UGT1A7: variants seen among roughly 807,000 people sequenced by gnomAD.
UGT1A7 encodes the protein UDP-glucuronosyltransferase 1A7.
Under a neutral mutation model 45.6 loss-of-function variants are expected in UGT1A7, and 33 were observed. The ratio of observed to expected loss-of-function variants is 0.72; its 90% CI spans 0.55 to 0.97. The LOEUF (loss-of-function observed/expected upper bound fraction) is 0.97, where lower values mean the gene tolerates loss of function less well. Among genes scored for constraint, UGT1A7 ranks in the 50% least tolerant of loss-of-function variants. The pLI is 0.00. For missense variants in UGT1A7, 684 were observed against 666.2 expected (o/e 1.03, Z -0.29); for synonymous variants, 274 against 250.6 (o/e 1.09, Z -0.88).
At chr2:233,695,006 T>C (rs184131537) in intron 1 of UGT1A7, among the ~76,000 whole-genome samples, 12 of 152,350 alleles carry the variant, frequency 7.9e-5, no homozygotes, top group African/African-American at 2.2e-4. Context: ...TCTTCATTTC[T>C]AGCTATTTTG....
chr2:233,746,991 T>G (rs560743202), intron 1 of UGT1A7, among the ~76,000 whole-genome samples: 1 of 151,932 alleles, frequency 6.6e-6, no homozygotes, highest in Non-Finnish European at 1.5e-5. Context: ...CAGGGTCAGA[T>G]GAGTTTTTCA....
At chr2:233,715,670 G>T (rs1428393419) in intron 1 of UGT1A7, among the ~76,000 whole-genome samples, 3 of 152,106 alleles carry the variant, frequency 2.0e-5, no homozygotes, top group Non-Finnish European at 4.4e-5. Context: ...TACTCGGGAG[G>T]CTGAGGCAGG....
intron 1 of UGT1A7, chr2:233,713,868 G>A: frequency 6.2e-7 from 1 of 1,613,750 alleles, no homozygotes; most frequent in Non-Finnish European, 8.5e-7. Flanking sequence ...GGTCTGTATT[G>A]GTGCCTTTAT....
chr2:233,729,628 C>T (rs1214575776), intron 1 of UGT1A7: 3 of 1,613,774 alleles, frequency 1.9e-6, no homozygotes, highest in East Asian at 4.5e-5. Context: ...CCTGTCGATT[C>T]CTACTGTGTT....
intron 1 of UGT1A7, among the ~76,000 whole-genome samples, chr2:233,711,052 G>T (rs1263121953): frequency 6.6e-6 from 1 of 152,152 alleles, no homozygotes; most frequent in African/African-American, 2.4e-5. Flanking sequence ...GACACCCATG[G>T]CTTCAATCAC....
chr2:233,726,278 A>G (rs548858738), intron 1 of UGT1A7, among the ~76,000 whole-genome samples: 27 of 152,354 alleles, frequency 1.8e-4, no homozygotes, highest in African/African-American at 5.8e-4. Context: ...CTATGGTCCC[A>G]GGTACTTGGG....
intron 2 of UGT1A7, 65 bp downstream of exon 2, chr2:233,767,230 G>C: frequency 2.5e-6 from 4 of 1,610,018 alleles, no homozygotes; most frequent in South Asian, 2.2e-5. Context: ...CAGACTTCCA[G>C]CTTCCAGATT....
At position 233,709,398 on chromosome 2, in the gene UGT1A7, T is replaced by C. The variant is rs1379256166; in HGVS notation, c.855+26606T>C. 2.0e-5 allele frequency among the ~76,000 whole-genome samples: 3 copies of C among 152,212 alleles called. No individual in the cohort carries two copies. In the East Asian group the frequency reaches 5.8e-4, roughly 29 times the overall value. On this transcript the variant is annotated intron_variant, in intron 1 of 4. Transcript: ENST00000373426. ...AATCTAAATTTCTTTTAATAATCTA[T>C]GGGTGAACACTCAATAAGAATGTCC...
chr2:233,706,934 A>C (rs932560394), intron 1 of UGT1A7, among the ~76,000 whole-genome samples: 8 of 152,130 alleles, frequency 5.3e-5, no homozygotes, highest in African/African-American at 1.7e-4. Flanking sequence ...GTCTGGTGAG[A>C]TGGAATGCTT....
chr2:233,732,212 T>G (rs2078250632), intron 1 of UGT1A7, among the ~76,000 whole-genome samples: 1 of 152,238 alleles, frequency 6.6e-6, no homozygotes. Flanking sequence ...ATGGGTAGAT[T>G]GCAAAAATTT....
At chr2:233,687,613 G>C (rs373078469) in intron 1 of UGT1A7, among the ~76,000 whole-genome samples, 1 of 132,296 alleles carries the variant, frequency 7.6e-6, no homozygotes, top group Admixed American at 7.6e-5. Flanking sequence ...AAAAAGGAAA[G>C]AAAAAAAGGC....
chr2:233,760,883 C>G lies in UGT1A7; in HGVS notation c.856-6151C>G, dbSNP rs550460320. On this transcript the variant is annotated intron_variant, in intron 1 of 4. Coordinates refer to ENST00000373426, the MANE Select transcript of UGT1A7 (RefSeq NM_019077.3). ...TCCTACGTGCCCAGGCCTCTCTCCT[C>G]TCATTCAGATCACATGACCTTCCTG... 4 of 1,614,168 alleles carry G rather than the reference C, an allele frequency of 2.5e-6. No individual in the cohort carries two copies. The East Asian group carries it at 6.7e-5, about 27-fold the overall frequency.
chr2:233,772,248 G>C lies in UGT1A7; in HGVS notation c.1296-14G>C. 2 of 1,614,220 alleles carry C rather than the reference G, an allele frequency of 1.2e-6. No homozygotes were observed. Among genetic ancestry groups the C allele is most frequent in the Non-Finnish European group, 1.7e-6 (2 of 1,180,034 alleles). ...CAGGTGTTCCAGGCATAACGAAACT[G>C]TCTTTGTGTTTAGTTACAAGGAGAA... On this transcript the variant is annotated splice_polypyrimidine_tract_variant and intron_variant, in intron 4 of 4. Transcript: ENST00000373426.
chr2:233,754,897 C>T (rs779851030), intron 1 of UGT1A7: 5 of 1,351,174 alleles, frequency 3.7e-6, no homozygotes, highest in Non-Finnish European at 5.0e-6. Context: ...TTCCTCTGAC[C>T]CCCCAAAATA....
At chr2:233,748,299 A>G (rs891574049) in intron 1 of UGT1A7, among the ~76,000 whole-genome samples, 4 of 151,748 alleles carry the variant, frequency 2.6e-5, no homozygotes, top group African/African-American at 9.7e-5. Flanking sequence ...ATGAATGTTT[A>G]TCAAAGGATG....
chr2:233,733,823 A>G (rs1027211154), intron 1 of UGT1A7, among the ~76,000 whole-genome samples: 1 of 152,166 alleles, frequency 6.6e-6, no homozygotes. Context: ...GCCTCATAAA[A>G]TGAGTTAGGG....
chr2:233,772,380 C>T lies in UGT1A7; in HGVS notation c.1414C>T (p.Arg472Cys), dbSNP rs566674185. ...GAGGCACAAGGGCGCGCCACACCTGCGCCCCGCAGCCCACGACCTCACCTG... is the reference window on the plus strand; with the variant it reads ...GAGGCACAAGGGCGCGCCACACCTGTGCCCCGCAGCCCACGACCTCACCTG... ...VMRHKGAPHL[R>C]PAAHDLTWYQ... The change falls in exon 5 of 5, where the codon CGC becomes TGC. Residue 472 changes from arginine to cysteine, a missense_variant. Coordinates refer to ENST00000373426, the MANE Select transcript of UGT1A7 (RefSeq NM_019077.3). 5.6e-6 allele frequency: 9 copies of T among 1,614,144 alleles called. No homozygotes were observed. The highest frequency in any genetic ancestry group is 4.0e-5 in the African/African-American group (3 of 74,944).
In UGT1A7 at chr2:233,699,991, T is replaced by G. The variant is rs568440591; in HGVS notation, c.855+17199T>G. 2.6e-4 allele frequency among the ~76,000 whole-genome samples: 40 copies of G among 152,294 alleles called. 1 individual carries two copies. Among genetic ancestry groups the G allele is most frequent in the African/African-American group, 8.9e-4 (37 of 41,564 alleles). On this transcript the variant is annotated intron_variant, in intron 1 of 4. Coordinates refer to ENST00000373426, the MANE Select transcript of UGT1A7 (RefSeq NM_019077.3). ...CCCCCAACTCCCAACAAAGAATTACTCTGGCTCAAAATGTCACGAGTGCTG... is the reference window on the plus strand; with the variant it reads ...CCCCCAACTCCCAACAAAGAATTACGCTGGCTCAAAATGTCACGAGTGCTG...
intron 1 of UGT1A7, among the ~76,000 whole-genome samples, chr2:233,695,754 A>G (rs942245272): frequency 6.6e-6 from 1 of 152,170 alleles, no homozygotes; most frequent in African/African-American, 2.4e-5. Context: ...ACAGGTCTTC[A>G]TCCTTTTTTA....
Sources: allele counts gnomAD v4.1 joint callset (sites outside exome capture counted in the v4.1 genomes callset), GRCh38; gene constraint gnomAD v4.1.1; transcripts MANE v1.5; gene names NCBI Gene and HGNC (gene_info 2026-07-23, HGNC 2026-07-21).